SPAG17: variants seen among roughly 807,000 people sequenced by gnomAD.
SPAG17 encodes sperm-associated antigen 17.
In SPAG17, 169 loss-of-function variants were observed where a neutral mutation model predicts 273.6. That is an observed-to-expected ratio of 0.62 (90% CI 0.55 to 0.70). The LOEUF is 0.70. SPAG17 is among the 30% of genes least tolerant of loss of function. The pLI is 0.00. For missense variants in SPAG17, 2,557 were observed against 2,627.8 expected (o/e 0.97, Z 0.59); for synonymous variants, 825 against 873.2 (o/e 0.94, Z 0.97).
chr1:118,080,064 A>G (rs1327134791), intron 15 of SPAG17, among the ~76,000 whole-genome samples: 2 of 152,268 alleles, frequency 1.3e-5, no homozygotes, highest in African/African-American at 4.8e-5. Flanking sequence ...GAGAGTGTAG[A>G]TTAATTTTTT....
At chr1:118,110,916 G>A (rs139573000) in intron 4 of SPAG17, among the ~76,000 whole-genome samples, 2 of 152,224 alleles carry the variant, frequency 1.3e-5, no homozygotes, top group East Asian at 3.9e-4. Flanking sequence ...TTGAATCCCA[G>A]CTCTTCCACT....
At chr1:118,157,898 C>T (rs1015408060) in intron 1 of SPAG17, among the ~76,000 whole-genome samples, 4 of 152,094 alleles carry the variant, frequency 2.6e-5, no homozygotes. Context: ...GGGGCTTCTG[C>T]TCTTGTTGGT....
intron 43 of SPAG17, 126 bp downstream of exon 43, chr1:117,981,144 A>G: frequency 1.0e-6 from 1 of 978,046 alleles, no homozygotes. Context: ...GCATAGCTCC[A>G]GGATCCGTGA....
chr1:117,967,407 TAGA>T (rs1008386647), intron 46 of SPAG17, among the ~76,000 whole-genome samples: 8 of 151,956 alleles, frequency 5.3e-5, no homozygotes, highest in African/African-American at 1.5e-4. Flanking sequence ...TGGGCCACAT[TAGA>T]AGAAGAAGTA....
At chr1:118,000,303 T>C (rs12037931) in intron 32 of SPAG17, among the ~76,000 whole-genome samples, 9,912 of 152,272 alleles carry the variant, frequency 0.065, 526 homozygotes, top group East Asian at 0.31. Flanking sequence ...CTTGGCAATG[T>C]GGGCTCTTTC....
chr1:118,112,810 GC>G (rs1305668815), intron 4 of SPAG17, among the ~76,000 whole-genome samples: 3 of 152,000 alleles, frequency 2.0e-5, no homozygotes, highest in African/African-American at 7.2e-5. Flanking sequence ...AAGCTTTCTT[GC>G]AAAGCAGAAA....
At chr1:118,168,781 T>C (rs981589335) in intron 1 of SPAG17, among the ~76,000 whole-genome samples, 1 of 152,166 alleles carries the variant, frequency 6.6e-6, no homozygotes, top group Non-Finnish European at 1.5e-5. Context: ...AGGGCCCTAA[T>C]GGTGTGAACT....
chr1:118,012,139 T>C (rs961483263), intron 30 of SPAG17, 89 bp downstream of exon 30: 1 of 1,288,344 alleles, frequency 7.8e-7, no homozygotes, highest in Non-Finnish European at 1.1e-6. Context: ...ATTTTTCTTA[T>C]GTGTATGTTC....
intron 4 of SPAG17, among the ~76,000 whole-genome samples, 168 bp from the exon 5 acceptor site, chr1:118,102,094 G>C (rs992046213): frequency 6.6e-6 from 1 of 152,180 alleles, no homozygotes; most frequent in African/African-American, 2.4e-5. Flanking sequence ...TTGAGACTAA[G>C]TTGTGACAAG....
chr1:118,129,955 C>A (rs962567226), intron 3 of SPAG17, among the ~76,000 whole-genome samples: 1 of 152,174 alleles, frequency 6.6e-6, no homozygotes, highest in Non-Finnish European at 1.5e-5. Flanking sequence ...GCCCTGTCTT[C>A]ATTTACCCTA....
At chr1:117,971,243 G>A (rs60996478) in intron 45 of SPAG17, among the ~76,000 whole-genome samples, 3,887 of 152,226 alleles carry the variant, frequency 0.026, 161 homozygotes, top group African/African-American at 0.087. Context: ...GTTTGGTAGA[G>A]GTATATGGTT....
intron 1 of SPAG17, among the ~76,000 whole-genome samples, chr1:118,170,514 G>A (rs2102391563): frequency 6.6e-6 from 1 of 152,232 alleles, no homozygotes; most frequent in East Asian, 1.9e-4. Context: ...AGGAGACTGG[G>A]TGAGAGAGCA....
Position 118,016,014 on chromosome 1 carries a change from T to G in SPAG17, c.4238A>C (p.Asp1413Ala). The G allele has an allele frequency of 6.2e-7, 1 of 1,614,074 alleles. No homozygotes were observed. Among genetic ancestry groups the G allele is most frequent in the Admixed American group, 1.7e-5 (1 of 60,000 alleles). ...IGTKGLERIA[D>A]LTPLLSFQAT... ...CTGAAAGGATAACAATGGGGTCAAG[T>G]CTGCTATTCTTTCTAATCCTTTGGT... is the stretch of plus-strand genomic sequence containing the variant. The change falls in exon 29 of 49, where the codon GAC (aspartate) becomes GCC (alanine). Residue 1413 changes from aspartate (D) to alanine (A), a missense_variant. Transcript: ENST00000336338.
intron 32 of SPAG17, among the ~76,000 whole-genome samples, chr1:117,997,149 C>T (rs994353187): frequency 1.3e-5 from 2 of 152,028 alleles, no homozygotes; most frequent in Non-Finnish European, 2.9e-5. Flanking sequence ...GTCAAACACA[C>T]AATTGTGGCT....
At chr1:118,159,226 T>G (rs999605616) in intron 1 of SPAG17, among the ~76,000 whole-genome samples, 1 of 152,226 alleles carries the variant, frequency 6.6e-6, no homozygotes, top group Non-Finnish European at 1.5e-5. Context: ...GAAAACACAG[T>G]AGTCTAGAAA....
intron 29 of SPAG17, among the ~76,000 whole-genome samples, chr1:118,015,397 T>C (rs1476361682): frequency 6.6e-6 from 1 of 152,206 alleles, no homozygotes; most frequent in East Asian, 1.9e-4. Flanking sequence ...ATTCTTATGC[T>C]ACAAATAAAG....
intron 3 of SPAG17, among the ~76,000 whole-genome samples, chr1:118,133,539 G>A (rs1383178047): frequency 6.6e-6 from 1 of 152,120 alleles, no homozygotes; most frequent in East Asian, 1.9e-4. Flanking sequence ...GCATGCCACT[G>A]GTACAAGGAG....
At chr1:118,012,119 C>T (rs1659535272) in intron 30 of SPAG17, 109 bp downstream of exon 30, 1 of 1,136,204 alleles carries the variant, frequency 8.8e-7, no homozygotes, top group South Asian at 1.9e-5. Context: ...GCTAACTTTA[C>T]CAAAAAATTA....
At chr1:117,996,034 GT>G (rs1025561871) in intron 34 of SPAG17, among the ~76,000 whole-genome samples, 1 of 151,906 alleles carries the variant, frequency 6.6e-6, no homozygotes, top group Non-Finnish European at 1.5e-5. Context: ...ACTGTTCTTT[GT>G]TTTTTCTTAC....
Sources: gnomAD v4.1 joint callset for allele counts (sites outside exome capture counted in the v4.1 genomes callset) on GRCh38, gnomAD v4.1.1 for gene constraint, MANE v1.5 for transcripts, NCBI Gene and HGNC (gene_info 2026-07-23, HGNC 2026-07-21) for gene names.